SPMIP2: variants seen among roughly 807,000 people sequenced by gnomAD.
The protein encoded by SPMIP2 is protein SPMIP2.
chr4:158,972,947 T>C, the SPMIP2 span: 1 of 644,602 alleles, frequency 1.6e-6, no homozygotes, highest in South Asian at 2.0e-5. Flanking sequence ...ACATGTGTCT[T>C]TCTGCAAAAC....
chr4:159,049,780 T>TA, the SPMIP2 span, among the ~76,000 whole-genome samples: 26,549 of 152,168 alleles, frequency 0.17, 2,688 homozygotes, highest in African/African-American at 0.28. Flanking sequence ...AGAATCCACT[T>TA]AAAATGAATT....
At chr4:159,037,700 G>A in the SPMIP2 span, among the ~76,000 whole-genome samples, 1 of 151,498 alleles carries the variant, frequency 6.6e-6, no homozygotes, top group Non-Finnish European at 1.5e-5. Context: ...GAGAGCCCAG[G>A]AGTTTGAGAC....
the SPMIP2 span, among the ~76,000 whole-genome samples, chr4:159,074,181 A>G: frequency 6.6e-6 from 1 of 152,178 alleles, no homozygotes; most frequent in African/African-American, 2.4e-5. Context: ...ATATCAATTT[A>G]TACTTTTTAC....
At chr4:158,898,421 C>T in the SPMIP2 span, among the ~76,000 whole-genome samples, 2 of 152,086 alleles carry the variant, frequency 1.3e-5, no homozygotes, top group Non-Finnish European at 2.9e-5. Context: ...CTATAAATTA[C>T]TTTGGGGAGT....
At chr4:158,893,525 GACA>G in the SPMIP2 span, 2 of 559,372 alleles carry the variant, frequency 3.6e-6, no homozygotes, top group Non-Finnish European at 6.5e-6. Context: ...TGCAAAGACT[GACA>G]ACACCTTTTT....
the SPMIP2 span, among the ~76,000 whole-genome samples, chr4:158,897,836 A>C: frequency 6.6e-6 from 1 of 152,128 alleles, no homozygotes; most frequent in Non-Finnish European, 1.5e-5. Flanking sequence ...GAAACTCTTT[A>C]GTTTAATTAG....
At chr4:158,999,185 C>CAAA in the SPMIP2 span, among the ~76,000 whole-genome samples, 1 of 144,510 alleles carries the variant, frequency 6.9e-6, no homozygotes. Context: ...AAAAAAACAA[C>CAAA]AAAAAAAAAC....
the SPMIP2 span, among the ~76,000 whole-genome samples, chr4:158,958,761 G>T: frequency 2.0e-5 from 3 of 152,132 alleles, no homozygotes; most frequent in Non-Finnish European, 4.4e-5. Context: ...GCTAACAAGG[G>T]CTTTGAAACA....
chr4:158,915,641 G>A, the SPMIP2 span, among the ~76,000 whole-genome samples: 145 of 152,282 alleles, frequency 9.5e-4, no homozygotes, highest in Non-Finnish European at 1.7e-3. Context: ...AAGCATGGAA[G>A]ATGCTGTGAA....
the SPMIP2 span, among the ~76,000 whole-genome samples, chr4:159,029,157 T>C: frequency 6.6e-6 from 1 of 152,152 alleles, no homozygotes; most frequent in Non-Finnish European, 1.5e-5. Flanking sequence ...ACTTAGCAAA[T>C]TGGTAGTAAA....
At chr4:158,919,224 T>C in the SPMIP2 span, among the ~76,000 whole-genome samples, 1 of 152,012 alleles carries the variant, frequency 6.6e-6, no homozygotes, top group Admixed American at 6.5e-5. Context: ...AATGGGAAAA[T>C]TAACGTTTTT....
chr4:159,030,019 G>A, the SPMIP2 span, among the ~76,000 whole-genome samples: 1 of 152,186 alleles, frequency 6.6e-6, no homozygotes, highest in Non-Finnish European at 1.5e-5. Context: ...GAGTATACCA[G>A]CTAGATATAT....
the SPMIP2 span, among the ~76,000 whole-genome samples, chr4:159,048,979 T>C: frequency 1.3e-5 from 2 of 152,100 alleles, no homozygotes; most frequent in African/African-American, 4.8e-5. Context: ...ATAATGTAAT[T>C]TGAATGACTT....
the SPMIP2 span, among the ~76,000 whole-genome samples, chr4:158,895,219 G>A: frequency 6.6e-6 from 1 of 152,154 alleles, no homozygotes; most frequent in Admixed American, 6.5e-5. Flanking sequence ...AAAAAGTTGT[G>A]GGGGAGGTTC....
the SPMIP2 span, among the ~76,000 whole-genome samples, chr4:159,050,369 T>C: frequency 6.8e-6 from 1 of 147,062 alleles, no homozygotes; most frequent in African/African-American, 2.5e-5. Context: ...CTGCAATTCA[T>C]GATAGTGTGA....
the SPMIP2 span, among the ~76,000 whole-genome samples, chr4:158,983,541 A>T: frequency 1.4e-5 from 2 of 139,440 alleles, no homozygotes; most frequent in African/African-American, 5.4e-5. Flanking sequence ...CCAGAATTTC[A>T]TATCCAGCCA....
the SPMIP2 span, among the ~76,000 whole-genome samples, chr4:159,062,697 G>GTCTCTCTCTTTCTCTCTCTCTC: frequency 4.2e-5 from 4 of 95,152 alleles, no homozygotes; most frequent in African/African-American, 1.5e-4. Context: ...TTGAAACAGG[G>GTCTCTCTCTTTCTCTCTCTCTC]TCTCTCTCTC....
the SPMIP2 span, among the ~76,000 whole-genome samples, chr4:158,993,014 C>A: frequency 6.6e-6 from 1 of 152,160 alleles, no homozygotes; most frequent in Non-Finnish European, 1.5e-5. Flanking sequence ...GCTTTGCAAC[C>A]CAAGTATGTG....
chr4:158,922,606 A>G, the SPMIP2 span, among the ~76,000 whole-genome samples: 1 of 152,236 alleles, frequency 6.6e-6, no homozygotes, highest in African/African-American at 2.4e-5. Context: ...GATATAATTC[A>G]TATACTATTG....
Sources: allele counts gnomAD v4.1 joint callset (sites outside exome capture counted in the v4.1 genomes callset), GRCh38; gene constraint gnomAD v4.1.1; transcripts MANE v1.5; gene names NCBI Gene and HGNC (gene_info 2026-07-23, HGNC 2026-07-21).